Variants in AGO1 observed in about 807,000 individuals in gnomAD.
AGO1 encodes argonaute RISC component 1, also known as protein argonaute-1.
Under a neutral mutation model 109.2 loss-of-function variants are expected in AGO1, and 11 were observed. The ratio of observed to expected loss-of-function variants is 0.10; its 90% CI spans 0.06 to 0.17. The LOEUF (loss-of-function observed/expected upper bound fraction) is 0.17. Ranked by LOEUF, AGO1 falls within the 10% of genes least tolerant of loss-of-function variation. The pLI, the probability that AGO1 is intolerant of heterozygous loss-of-function variation, is 1.00. For missense variants in AGO1, 574 were observed against 1,140.3 expected, an observed-to-expected ratio of 0.50 and a Z score of 7.15; for synonymous variants, 422 against 418.6, an observed-to-expected ratio of 1.01 and a Z score of -0.10.
chr1:35,884,317 G>T (rs1467151639), intron 1 of AGO1, among the ~76,000 whole-genome samples: 1 of 150,838 alleles, frequency 6.6e-6, no homozygotes, highest in Non-Finnish European at 1.5e-5. Context: ...GGTTCTGGGG[G>T]TGGGTCCTCC....
At chr1:35,887,760 T>C (rs1366407894) in intron 1 of AGO1, among the ~76,000 whole-genome samples, 2 of 152,106 alleles carry the variant, frequency 1.3e-5, no homozygotes, top group Non-Finnish European at 2.9e-5. Flanking sequence ...TCCAGCCTTC[T>C]CTTTCTCCTG....
rs1318627286 is a variant in AGO1 at position 35,919,247 on chromosome 1, C to T, written c.2458C>T (p.His820Tyr). The part of the protein sequence containing the change: ...RARYHLVDKE[H>Y]DSGEGSHISG... ...ACGATACCACCTGGTGGACAAGGAG[C>T]ATGACAGGTGAGGCCTGGGATCAGG... Residue 820 changes from histidine (H) to tyrosine (Y), a missense_variant, in exon 18 of 19, where the codon CAT becomes TAT. By Grantham distance (83) the His-to-Tyr change is moderately conservative. Transcript: ENST00000373204. This position sits in a 1 kb window ranked among gnomAD's most constrained non-coding sequence, Gnocchi z 6.6. The T allele has an allele frequency of 1.2e-6, 2 of 1,613,356 alleles. No homozygotes were observed. Among genetic ancestry groups the T allele is most frequent in the Non-Finnish European group, 1.7e-6 (2 of 1,179,756 alleles).
Position 35,888,544 on chromosome 1 carries a change from C to T in AGO1, c.143C>T (p.Pro48Leu), listed in dbSNP as rs868103064. 6.2e-7 allele frequency: 1 copy of T among 1,614,188 alleles called. No individual in the cohort carries two copies. The highest frequency in any genetic ancestry group is 8.5e-7 in the Non-Finnish European group (1 of 1,180,038). ...GCCAATTACTTTGAGGTGGACATCC[C>T]TAAGATCGACGTGTACCACTACGAG... ...LLANYFEVDI[P>L]KIDVYHYEVD... is the part of the protein sequence containing the mutation. The change falls in exon 2 of 19, where the codon CCT (proline) becomes CTT (leucine). Residue 48 changes from proline to leucine, a missense_variant. Transcript: ENST00000373204. This position sits in a 1 kb window ranked among gnomAD's most constrained non-coding sequence, Gnocchi z 4.1.
chr1:35,911,550 C>A (rs2148721565), intron 12 of AGO1, among the ~76,000 whole-genome samples: 1 of 152,120 alleles, frequency 6.6e-6, no homozygotes, highest in East Asian at 1.9e-4. Flanking sequence ...GTTTTCTTAG[C>A]ATTCTCTGCT....
At chr1:35,889,505 C>G (rs1240935352) in intron 2 of AGO1, among the ~76,000 whole-genome samples, 1 of 151,810 alleles carries the variant, frequency 6.6e-6, no homozygotes, top group Non-Finnish European at 1.5e-5. Flanking sequence ...AGCCACCGTG[C>G]CCGGCCTCTG....
In AGO1 at chr1:35,893,965, A is replaced by T. The variant is rs1320462186; in HGVS notation, c.650-72A>T. 1.7e-5 allele frequency: 26 copies of T among 1,521,424 alleles called. No individual in the cohort carries two copies. The South Asian group carries it at 3.1e-4, about 18-fold the overall frequency. 94.2% of individuals were successfully genotyped at this position (1,521,424 alleles called of 1,614,324 possible). ...CCCAATGCCCTTTAAGGAAGAGGGT[A>T]TAAATTGCTGTGCCTCCATGTATTG... On this transcript the variant is annotated intron_variant, in intron 5 of 18. Coordinates refer to ENST00000373204, the MANE Select transcript of AGO1 (RefSeq NM_012199.5). The surrounding 1 kb of genome is among the most constrained non-coding windows in gnomAD (Gnocchi z 5.6).
At chr1:35,911,687 C>G (rs1003920998) in intron 12 of AGO1, among the ~76,000 whole-genome samples, 1 of 152,178 alleles carries the variant, frequency 6.6e-6, no homozygotes, top group African/African-American at 2.4e-5. Context: ...AAATCTCTTC[C>G]ATTGAAAGCA....
intron 11 of AGO1, among the ~76,000 whole-genome samples, chr1:35,902,999 CTTTTTTT>C (rs899277604): frequency 8.0e-4 from 87 of 108,798 alleles, no homozygotes; most frequent in African/African-American, 2.8e-3. Flanking sequence ...CACCTGGAGT[CTTTTTTT>C]TTTTTTTTTT....
At chr1:35,885,488 C>T (rs1320086445) in intron 1 of AGO1, among the ~76,000 whole-genome samples, 1 of 152,234 alleles carries the variant, frequency 6.6e-6, no homozygotes, top group African/African-American at 2.4e-5. Context: ...GAGATTCAGT[C>T]TGGAAGCTGC....
intron 1 of AGO1, among the ~76,000 whole-genome samples, chr1:35,876,670 A>G (rs1644995569): frequency 6.6e-6 from 1 of 152,196 alleles, no homozygotes; most frequent in Non-Finnish European, 1.5e-5. Context: ...TATATTTAGA[A>G]TATTGCATAA....
In AGO1 at chr1:35,883,334, C is replaced by A. The variant is rs1045368943; in HGVS notation, c.-88C>A. 1 of 1,536,574 alleles carries A rather than the reference C, an allele frequency of 6.5e-7. No individual in the cohort carries two copies. Among genetic ancestry groups the A allele is most frequent in the Admixed American group, 2.2e-5 (1 of 45,260 alleles). On this transcript the variant is annotated 5_prime_UTR_variant, in exon 1 of 19. Transcript: ENST00000373204. This position sits in a 1 kb window ranked among gnomAD's most constrained non-coding sequence, Gnocchi z 5.4. Reference sequence around the variant, plus strand: ...AGGGGAGCCGAGCCCGGCCCGGGATCCCGAGCAGCGAGAGTGTGGGGTACC... The same window carrying A: ...AGGGGAGCCGAGCCCGGCCCGGGATACCGAGCAGCGAGAGTGTGGGGTACC...
chr1:35,876,255 T>G (rs1353296416), intron 1 of AGO1, among the ~76,000 whole-genome samples: 2 of 151,988 alleles, frequency 1.3e-5, no homozygotes, highest in Non-Finnish European at 2.9e-5. Flanking sequence ...AAATCCTTTT[T>G]TTTTGTTTGT....
At chr1:35,900,690 G>A (rs1157630420) in intron 8 of AGO1, among the ~76,000 whole-genome samples, 1 of 152,122 alleles carries the variant, frequency 6.6e-6, no homozygotes, top group Non-Finnish European at 1.5e-5. Flanking sequence ...TCGTGCCATT[G>A]CACTTCAGCC....
chr1:35,896,662 C>A (rs750015065), intron 8 of AGO1, among the ~76,000 whole-genome samples: 5 of 152,166 alleles, frequency 3.3e-5, no homozygotes, highest in Non-Finnish European at 7.3e-5. Flanking sequence ...CTGGCCTACC[C>A]TCTTACTTTT....
chr1:35,923,560 C>T lies in AGO1; in HGVS notation c.*3953C>T, dbSNP rs940323449. ...CCAGGATGGTAGCTGGAATACCTTC[C>T]TTCTTAAAATCTGATCATGGCAGGG... On this transcript the variant is annotated 3_prime_UTR_variant, in exon 19 of 19. Coordinates refer to ENST00000373204, the MANE Select transcript of AGO1 (RefSeq NM_012199.5). 4 of 152,622 alleles carry T rather than the reference C, an allele frequency of 2.6e-5. No homozygotes were observed. The highest frequency in any genetic ancestry group is 9.6e-5 in the African/African-American group (4 of 41,456). The allele number at this position is 152,622 out of a possible 1,614,324, so 9.5% of individuals were successfully genotyped here. A position where few individuals can be genotyped will look rare whatever the true frequency, so the allele number is the denominator to read the frequency against.
At chr1:35,880,848 T>TG (rs1184670275), upstream of AGO1, among the ~76,000 whole-genome samples, 1 of 152,064 alleles carries the variant, frequency 6.6e-6, no homozygotes, top group Non-Finnish European at 1.5e-5. Flanking sequence ...TTAGTGTAGA[T>TG]GGGGTTTCAC....
At chr1:35,892,871 T>G (rs1407093790) in intron 3 of AGO1, among the ~76,000 whole-genome samples, 194 bp downstream of exon 3, 1 of 152,160 alleles carries the variant, frequency 6.6e-6, no homozygotes, top group Non-Finnish European at 1.5e-5. Flanking sequence ...AGATTGAGAT[T>G]AGACTTAAAA....
chr1:35,881,743 G>A (rs986810123), upstream of AGO1, among the ~76,000 whole-genome samples: 2 of 152,214 alleles, frequency 1.3e-5, no homozygotes, highest in Non-Finnish European at 2.9e-5. Context: ...GACCGGTTAT[G>A]GTCCATCCCT....
At chr1:35,917,858 C>T in intron 16 of AGO1, 131 bp downstream of exon 16, 1 of 1,319,220 alleles carries the variant, frequency 7.6e-7, no homozygotes, top group Non-Finnish European at 1.0e-6. Context: ...TTCCCTCCTC[C>T]TAGCTCTTGT....
Sources: allele counts gnomAD v4.1 joint callset (sites outside exome capture counted in the v4.1 genomes callset), GRCh38; gene constraint gnomAD v4.1.1; non-coding constraint Gnocchi (gnomAD v3.1); transcripts MANE v1.5; gene names NCBI Gene and HGNC (gene_info 2026-07-23, HGNC 2026-07-21).